Variants in SNED1 observed in about 807,000 individuals in gnomAD.
SNED1 encodes sushi, nidogen and EGF-like domain-containing protein 1.
SNED1 carries 81 observed loss-of-function variants against 166.7 expected under a neutral mutation model. The observed-to-expected ratio is 0.49, with a 90% CI of 0.41 to 0.58. The LOEUF (loss-of-function observed/expected upper bound fraction) is 0.58. Among genes scored for constraint, SNED1 ranks in the 20% least tolerant of loss-of-function variants. The pLI, the probability that SNED1 is intolerant of heterozygous loss-of-function variation, is 0.00. For synonymous variants in SNED1, 762 were observed against 822.0 expected, an observed-to-expected ratio of 0.93 and a Z score of 1.25; for missense variants, 1,604 against 2,000.2, an observed-to-expected ratio of 0.80 and a Z score of 3.78.
At chr2:241,084,528 G>A (rs1575127691) in intron 29 of SNED1, among the ~76,000 whole-genome samples, 4 of 152,178 alleles carry the variant, frequency 2.6e-5, no homozygotes, top group South Asian at 4.1e-4. Flanking sequence ...GACAACTTCA[G>A]TATCCATGGC....
intron 1 of SNED1, among the ~76,000 whole-genome samples, chr2:241,003,618 G>A (rs2060136179): frequency 6.6e-6 from 1 of 152,222 alleles, no homozygotes; most frequent in Non-Finnish European, 1.5e-5. Flanking sequence ...CTCCCTCCCA[G>A]GACTGGCCTG....
chr2:241,019,978 A>G (rs1324521612), intron 1 of SNED1, among the ~76,000 whole-genome samples: 1 of 152,226 alleles, frequency 6.6e-6, no homozygotes, highest in Non-Finnish European at 1.5e-5. Flanking sequence ...CCGTGCTCCC[A>G]CAAACCCTGT....
rs1483956099 is a variant in SNED1, at chr2:241,091,310, G to A, written c.*2-328G>A. On this transcript the variant is annotated intron_variant, in intron 31 of 31. Coordinates refer to ENST00000310397, the MANE Select transcript of SNED1 (RefSeq NM_001080437.3). This position sits in a 1 kb window ranked among gnomAD's most constrained non-coding sequence, Gnocchi z 4.1. ...AAAGACCCAGAGTCGTTACCGGAAG[G>A]AGGAGGGCAGGGAAGAGGAACAGGC... Among the ~76,000 whole-genome samples the A allele has an allele frequency of 1.3e-5, 2 of 152,224 alleles. No individual in the cohort carries two copies. Among genetic ancestry groups the A allele is most frequent in the Admixed American group, 6.5e-5 (1 of 15,286 alleles).
upstream of SNED1, among the ~76,000 whole-genome samples, chr2:240,998,606 A>G (rs1422182579): frequency 2.0e-5 from 3 of 151,720 alleles, no homozygotes; most frequent in Non-Finnish European, 4.4e-5. Flanking sequence ...TCGTGGCCCC[A>G]GGGGCGGGGC....
intron 12 of SNED1, among the ~76,000 whole-genome samples, chr2:241,050,834 G>C (rs1007675706): frequency 6.6e-6 from 1 of 152,130 alleles, no homozygotes; most frequent in South Asian, 2.1e-4. Context: ...CCCAAGGTGG[G>C]GGTCCTACCA....
chr2:241,051,670 G>A lies in SNED1; in HGVS notation c.1736-74G>A. Reference sequence around the variant, plus strand: ...ACCAGCACCAGAGGACTGAGGAGATGCCAGGAGGGTATAGTGGCTCTGTGG... The same window carrying A: ...ACCAGCACCAGAGGACTGAGGAGATACCAGGAGGGTATAGTGGCTCTGTGG... On this transcript the variant is annotated intron_variant, in intron 12 of 31. Coordinates refer to ENST00000310397, the MANE Select transcript of SNED1 (RefSeq NM_001080437.3). This position sits in a 1 kb window ranked among gnomAD's most constrained non-coding sequence, Gnocchi z 4.7. 1.6e-6 allele frequency: 2 copies of A among 1,214,078 alleles called. No homozygotes were observed. Among genetic ancestry groups the A allele is most frequent in the Non-Finnish European group, 2.2e-6 (2 of 895,012 alleles). The allele number at this position is 1,214,078 out of a possible 1,614,324, so 75.2% of individuals were successfully genotyped here.
rs2061821483 is a variant in SNED1, at chr2:241,051,024, G to C, written c.1736-720G>C. Among the ~76,000 whole-genome samples the C allele has an allele frequency of 6.6e-6, 1 of 152,238 alleles. No homozygotes were observed. The highest frequency in any genetic ancestry group is 1.5e-5 in the Non-Finnish European group (1 of 68,052). Reference sequence around the variant, plus strand: ...GAGTACGGAAGGGACAAGGATGGCTGTCCTCAGGGGTGGGGCAGCCAGAGC... The same window carrying C: ...GAGTACGGAAGGGACAAGGATGGCTCTCCTCAGGGGTGGGGCAGCCAGAGC... On this transcript the variant is annotated intron_variant, in intron 12 of 31. Coordinates refer to ENST00000310397, the MANE Select transcript of SNED1 (RefSeq NM_001080437.3). This position sits in a 1 kb window ranked among gnomAD's most constrained non-coding sequence, Gnocchi z 4.7.
chr2:241,045,371 T>G (rs1298708935), intron 8 of SNED1, among the ~76,000 whole-genome samples: 1 of 152,198 alleles, frequency 6.6e-6, no homozygotes. Context: ...GAATAAATTT[T>G]GAGGAATCAC....
intron 17 of SNED1, chr2:241,063,312 G>A (rs550024286): frequency 1.2e-3 from 609 of 521,120 alleles, no homozygotes; most frequent in Non-Finnish European, 1.7e-3. Context: ...CCAGGGAGCC[G>A]TGCCCAGTCG....
Position 241,088,386 on chromosome 2 carries a change from A to G in SNED1, c.4227A>G (p.Thr1409=), listed in dbSNP as rs1553598825. ...TPNRKQSKSQ[T]LEKS The stretch of plus-strand genomic sequence containing the variant: ...TCAGGAAACAAAGTAAGAGTCAGAC[A>G]CTGGAGAAATCTTAAGGTACGTCCC... Residue 1409 remains threonine (T), a synonymous_variant, in exon 31 of 32, where the codon ACA becomes ACG. Coordinates refer to ENST00000310397, the MANE Select transcript of SNED1 (RefSeq NM_001080437.3). 2.5e-6 allele frequency: 4 copies of G among 1,612,112 alleles called. No individual in the cohort carries two copies. In the Admixed American group the frequency reaches 6.7e-5, roughly 27 times the overall value.
At chr2:241,079,496 A>G (rs1464736734) in intron 27 of SNED1, among the ~76,000 whole-genome samples, 1 of 152,108 alleles carries the variant, frequency 6.6e-6, no homozygotes, top group Non-Finnish European at 1.5e-5. Flanking sequence ...GGAAATACAA[A>G]TTTTGTCCTC....
rs1364096882 is a variant in SNED1, at chr2:241,068,878, C to T, written c.3195-33C>T. 1.1e-5 allele frequency: 16 copies of T among 1,433,742 alleles called. No individual in the cohort carries two copies. Among genetic ancestry groups the T allele is most frequent in the East Asian group, 7.4e-5 (3 of 40,350 alleles). 88.8% of individuals were successfully genotyped at this position (1,433,742 alleles called of 1,614,324 possible). On this transcript the variant is annotated intron_variant, in intron 22 of 31. Coordinates refer to ENST00000310397, the MANE Select transcript of SNED1 (RefSeq NM_001080437.3). This position sits in a 1 kb window ranked among gnomAD's most constrained non-coding sequence, Gnocchi z 5.3. ...AGAGTCACACACAGGTCCCAGACAT[C>T]CCTGTTCTCTCTTTGTCACCTCCTG...
chr2:241,022,090 A>G (rs989678352), intron 1 of SNED1, among the ~76,000 whole-genome samples: 1 of 152,124 alleles, frequency 6.6e-6, no homozygotes, highest in Admixed American at 6.5e-5. Context: ...AGCTTTTATT[A>G]TTGAGTTGTA....
At chr2:241,081,585 A>ATCAGG (rs140631844) in intron 27 of SNED1, 92 bp from the exon 28 acceptor site, 94,046 of 927,318 alleles carry the variant, frequency 0.1, 8,715 homozygotes, top group East Asian at 0.33. Flanking sequence ...GCCACCCTGC[A>ATCAGG]TCAGGTCATC....
In SNED1 at chr2:240,998,711, C is replaced by A. The variant is rs1253926883; in HGVS notation, c.-127C>A. The A allele has an allele frequency of 9.8e-6, 2 of 203,942 alleles. No individual in the cohort carries two copies. Among genetic ancestry groups the A allele is most frequent in the Non-Finnish European group, 1.7e-5 (2 of 117,928 alleles). 12.6% of individuals were successfully genotyped at this position (203,942 alleles called of 1,614,324 possible). A position where few individuals can be genotyped will look rare whatever the true frequency, so the allele number is the denominator to read the frequency against. On this transcript the variant is annotated 5_prime_UTR_variant, in exon 1 of 32. Coordinates refer to ENST00000310397, the MANE Select transcript of SNED1 (RefSeq NM_001080437.3). ...CGGGCGCGGGACGCGGAGCCCCCGA[C>A]GGCGCGGCCAGCGGGCGCGCCCGCG... is the stretch of plus-strand genomic sequence containing the variant.
Position 241,094,274 on chromosome 2 carries a change from C to T in SNED1, c.*2638C>T, listed in dbSNP as rs1463585622. The T allele has an allele frequency of 2.1e-6, 1 of 468,842 alleles. No individual in the cohort carries two copies. Among genetic ancestry groups the T allele is most frequent in the Non-Finnish European group, 4.4e-6 (1 of 226,760 alleles). 29.0% of individuals were successfully genotyped at this position (468,842 alleles called of 1,614,324 possible). On this transcript the variant is annotated 3_prime_UTR_variant, in exon 32 of 32. Coordinates refer to ENST00000310397, the MANE Select transcript of SNED1 (RefSeq NM_001080437.3). The surrounding 1 kb of genome is among the most constrained non-coding windows in gnomAD (Gnocchi z 4.3). ...CAAGGGCCCCACTCAGGTATCAGCT[C>T]ACCTCCTGCACCTCCCCTTAGCAGG...
intron 29 of SNED1, chr2:241,086,971 A>G (rs1447388761): frequency 6.3e-6 from 1 of 158,316 alleles, no homozygotes; most frequent in Admixed American, 6.5e-5. Context: ...TACAATGCCT[A>G]CATCCGAATC....
intron 5 of SNED1, 139 bp from the exon 6 acceptor site, chr2:241,037,101 A>G (rs2061396625): frequency 2.0e-6 from 2 of 1,006,712 alleles, no homozygotes; most frequent in Non-Finnish European, 3.0e-6. Flanking sequence ...AGTGAGCACC[A>G]TGGGCGGGTG....
chr2:241,035,210 C>T (rs1202476869), intron 4 of SNED1, among the ~76,000 whole-genome samples: 1 of 152,136 alleles, frequency 6.6e-6, no homozygotes, highest in Non-Finnish European at 1.5e-5. Context: ...GAGGCAGGTC[C>T]TCTTACCACC....
Sources: allele counts gnomAD v4.1 joint callset (sites outside exome capture counted in the v4.1 genomes callset), GRCh38; gene constraint gnomAD v4.1.1; non-coding constraint Gnocchi (gnomAD v3.1); transcripts MANE v1.5; gene names NCBI Gene and HGNC (gene_info 2026-07-23, HGNC 2026-07-21).